The following TMTC2 variants were observed in gnomAD, a reference collection of about 807,000 sequenced individuals.
TMTC2 encodes the protein transmembrane O-mannosyltransferase targeting cadherins 2.
In TMTC2, 43 loss-of-function variants were observed where a neutral mutation model predicts 82.4. The observed-to-expected ratio is 0.52, with a 90% CI of 0.41 to 0.67. The LOEUF (loss-of-function observed/expected upper bound fraction) is 0.67, where lower values mean the gene tolerates loss of function less well. Ranked by LOEUF, TMTC2 falls within the 30% of genes least tolerant of loss-of-function variation. The probability of loss-of-function intolerance (pLI) is 0.00; values close to 1 mark genes in which losing one functional copy is unlikely to be tolerated. For synonymous variants in TMTC2, 408 were observed against 381.9 expected (o/e 1.07, Z -0.80); for missense variants, 919 against 1,012.4 (o/e 0.91, Z 1.25).
intron 3 of TMTC2, among the ~76,000 whole-genome samples, chr12:82,916,507 C>T (rs1382458695): frequency 6.6e-6 from 1 of 152,068 alleles, no homozygotes; most frequent in Non-Finnish European, 1.5e-5. Flanking sequence ...AAATCGAACA[C>T]TATGAGTGGT....
At chr12:82,943,375 A>T (rs533105508) in intron 4 of TMTC2, among the ~76,000 whole-genome samples, 15 of 152,272 alleles carry the variant, frequency 9.9e-5, no homozygotes, top group Middle Eastern at 3.4e-3. Context: ...GACAATTGCT[A>T]TTGGCATTTG....
At chr12:82,696,964 GTA>G (rs3993380) in intron 1 of TMTC2, among the ~76,000 whole-genome samples, 1,895 of 141,240 alleles carry the variant, frequency 0.013, 26 homozygotes, top group South Asian at 0.032. Flanking sequence ...ACATACATAC[GTA>G]TATATATATA....
At chr12:83,021,931 C>G (rs903270402) in intron 8 of TMTC2, 1 of 152,056 alleles carries the variant, frequency 6.6e-6, no homozygotes, top group Non-Finnish European at 1.5e-5. Context: ...GGAAAGGACA[C>G]AGAGATTTGA....
At chr12:82,937,701 GGTGTGTGTGTGTGT>G (rs146657948) in intron 4 of TMTC2, among the ~76,000 whole-genome samples, 1 of 73,244 alleles carries the variant, frequency 1.4e-5, no homozygotes, top group Admixed American at 1.6e-4. Context: ...AAATGTCAAT[GGTGTGTGTGTGTGT>G]GTGTGTGTGT....
chr12:82,745,348 C>T (rs567449765), intron 1 of TMTC2, among the ~76,000 whole-genome samples: 1 of 152,232 alleles, frequency 6.6e-6, no homozygotes, highest in South Asian at 2.1e-4. Flanking sequence ...GCTGTAACTC[C>T]CCTGTGTTAC....
intron 7 of TMTC2, 24 bp downstream of exon 7, chr12:82,967,021 A>C: frequency 6.3e-7 from 1 of 1,578,766 alleles, no homozygotes; most frequent in Non-Finnish European, 8.7e-7. Context: ...TAACACTTTT[A>C]AATTGATATT....
At chr12:82,988,802 T>A (rs990091496) in intron 8 of TMTC2, among the ~76,000 whole-genome samples, 1 of 148,224 alleles carries the variant, frequency 6.7e-6, no homozygotes, top group Non-Finnish European at 1.5e-5. Flanking sequence ...CATTTAGAGG[T>A]CCCCTGTAAA....
intron 1 of TMTC2, among the ~76,000 whole-genome samples, chr12:82,805,996 C>A (rs959995402): frequency 6.6e-6 from 1 of 152,144 alleles, no homozygotes; most frequent in Non-Finnish European, 1.5e-5. Flanking sequence ...AGCTCATATC[C>A]TTGAGGCATA....
chr12:82,702,484 A>T (rs1324993103), intron 1 of TMTC2, among the ~76,000 whole-genome samples: 1 of 152,216 alleles, frequency 6.6e-6, no homozygotes, highest in Non-Finnish European at 1.5e-5. Context: ...GGTTAAAAAA[A>T]ATCGGTCATA....
intron 1 of TMTC2, among the ~76,000 whole-genome samples, chr12:82,781,075 G>C (rs1425505756): frequency 6.6e-6 from 1 of 151,834 alleles, no homozygotes; most frequent in Non-Finnish European, 1.5e-5. Flanking sequence ...ATGCATTGCT[G>C]GTATAATAAA....
intron 7 of TMTC2, among the ~76,000 whole-genome samples, chr12:82,981,394 CT>C (rs1878911878): frequency 1.3e-5 from 2 of 151,754 alleles, no homozygotes; most frequent in Non-Finnish European, 3.0e-5. Flanking sequence ...AGACCTGGGG[CT>C]TTTTAGGGAG....
At chr12:82,910,194 T>C (rs1302650817) in intron 3 of TMTC2, among the ~76,000 whole-genome samples, 1 of 152,214 alleles carries the variant, frequency 6.6e-6, no homozygotes, top group East Asian at 1.9e-4. Context: ...TCAAGTCATA[T>C]AATTATTGTA....
chr12:82,745,930 C>T (rs1471488047), intron 1 of TMTC2, among the ~76,000 whole-genome samples: 2 of 152,096 alleles, frequency 1.3e-5, no homozygotes, highest in South Asian at 2.1e-4. Context: ...TGTGGCAGAA[C>T]GATTTGTTCT....
intron 1 of TMTC2, among the ~76,000 whole-genome samples, chr12:82,706,265 C>T (rs1466573372): frequency 6.8e-6 from 1 of 148,020 alleles, no homozygotes; most frequent in African/African-American, 2.5e-5. Flanking sequence ...TGCAGTGAGC[C>T]GAGATTGTGC....
At chr12:82,935,355 T>C (rs879754096) in intron 4 of TMTC2, among the ~76,000 whole-genome samples, 1 of 152,162 alleles carries the variant, frequency 6.6e-6, no homozygotes, top group African/African-American at 2.4e-5. Flanking sequence ...TATTTAGCCT[T>C]TTATTCATGT....
intron 3 of TMTC2, among the ~76,000 whole-genome samples, chr12:82,929,099 G>A (rs571408852): frequency 6.6e-6 from 1 of 152,094 alleles, no homozygotes; most frequent in African/African-American, 2.4e-5. Context: ...TTTTGAGAGA[G>A]GGCCTCACTC....
intron 1 of TMTC2, among the ~76,000 whole-genome samples, chr12:82,709,127 C>T (rs558438533): frequency 1.5e-5 from 2 of 135,736 alleles, no homozygotes; most frequent in African/African-American, 6.1e-5. Flanking sequence ...ATGTTTTTGC[C>T]GTGATCTGGA....
At chr12:83,030,007 G>A (rs1881360556) in intron 8 of TMTC2, among the ~76,000 whole-genome samples, 1 of 152,062 alleles carries the variant, frequency 6.6e-6, no homozygotes, top group African/African-American at 2.4e-5. Context: ...AGGATAAATA[G>A]CTGCTTGAGA....
intron 8 of TMTC2, among the ~76,000 whole-genome samples, chr12:83,015,570 G>C (rs541926949): frequency 7.4e-4 from 112 of 152,226 alleles, no homozygotes; most frequent in African/African-American, 2.7e-3. Context: ...TGGTAATTTA[G>C]CTCTGAGCTG....
Sources: allele counts gnomAD v4.1 joint callset (sites outside exome capture counted in the v4.1 genomes callset), GRCh38; gene constraint gnomAD v4.1.1; transcripts MANE v1.5; gene names NCBI Gene and HGNC (gene_info 2026-07-23, HGNC 2026-07-21).